The following MARCHF1 variants were observed in gnomAD, a reference collection of about 807,000 sequenced individuals.
The protein encoded by MARCHF1 is membrane associated ring-CH-type finger 1.
Under a neutral mutation model 54.2 loss-of-function variants are expected in MARCHF1, and 40 were observed. The ratio of observed to expected loss-of-function variants is 0.74; its 90% CI spans 0.57 to 0.96. The LOEUF (loss-of-function observed/expected upper bound fraction) is 0.96, where lower values mean the gene tolerates loss of function less well. MARCHF1 is among the 40% of genes least tolerant of loss of function. The probability of loss-of-function intolerance (pLI) is 0.00; values close to 1 mark genes in which losing one functional copy is unlikely to be tolerated. For synonymous variants in MARCHF1, 236 were observed against 236.3 expected (o/e 1.00, Z 0.01); for missense variants, 586 against 656.5 (o/e 0.89, Z 1.17).
intron 1 of MARCHF1, among the ~76,000 whole-genome samples, chr4:164,151,921 A>G (rs1729953791): frequency 6.6e-6 from 1 of 151,926 alleles, no homozygotes; most frequent in Non-Finnish European, 1.5e-5. Flanking sequence ...TTTGCCCTTC[A>G]CAATCTTACC....
At chr4:163,874,020 T>A (rs1333579665) in intron 3 of MARCHF1, among the ~76,000 whole-genome samples, 1 of 152,186 alleles carries the variant, frequency 6.6e-6, no homozygotes, top group Non-Finnish European at 1.5e-5. Context: ...GAATTAAATT[T>A]AATTTAATAA....
In MARCHF1 at chr4:163,862,738, T is replaced by A. The variant is rs894467099; in HGVS notation, c.-38-8569A>T. On this transcript the variant is annotated intron_variant, in intron 3 of 9. Transcript: ENST00000514618. ...CTATTTACCCAACTGATTTTTAAAA[T>A]TTATGTCTCATGAAAACATGCACAC... 3.3e-5 allele frequency among the ~76,000 whole-genome samples: 5 copies of A among 152,090 alleles called. No individual in the cohort carries two copies. The East Asian group carries it at 9.6e-4, about 29-fold the overall frequency.
chr4:163,912,594 C>T (rs1283024629), intron 3 of MARCHF1, among the ~76,000 whole-genome samples: 1 of 152,112 alleles, frequency 6.6e-6, no homozygotes, highest in Non-Finnish European at 1.5e-5. Flanking sequence ...TCACCATTTT[C>T]CTGGTTATTA....
At chr4:163,822,422 G>C (rs1748718529) in intron 4 of MARCHF1, among the ~76,000 whole-genome samples, 1 of 151,850 alleles carries the variant, frequency 6.6e-6, no homozygotes, top group South Asian at 2.1e-4. Flanking sequence ...TAAGCCAGTT[G>C]TTTAAGGTAT....
At chr4:164,306,762 T>C (rs1484033492) in intron 1 of MARCHF1, among the ~76,000 whole-genome samples, 1 of 152,154 alleles carries the variant, frequency 6.6e-6, no homozygotes, top group African/African-American at 2.4e-5. Context: ...TATTTATCAC[T>C]GATCTGGAAA....
chr4:163,831,748 T>C (rs188989264), intron 4 of MARCHF1, among the ~76,000 whole-genome samples: 19 of 152,280 alleles, frequency 1.2e-4, no homozygotes, highest in African/African-American at 4.3e-4. Flanking sequence ...TGGAAGATAA[T>C]AGAAATGGGT....
At chr4:164,285,067 T>C (rs1418123497) in intron 1 of MARCHF1, among the ~76,000 whole-genome samples, 5 of 152,328 alleles carry the variant, frequency 3.3e-5, no homozygotes, top group Non-Finnish European at 7.4e-5. Context: ...AGTGTAGAAA[T>C]ATTTTATAAT....
intron 5 of MARCHF1, among the ~76,000 whole-genome samples, chr4:163,635,957 T>C (rs1174370623): frequency 2.6e-5 from 4 of 152,174 alleles, no homozygotes; most frequent in African/African-American, 4.8e-5. Context: ...AATCGATAAA[T>C]GTAATCCAGC....
chr4:164,193,438 C>T (rs1248190931), intron 1 of MARCHF1, among the ~76,000 whole-genome samples: 3 of 152,034 alleles, frequency 2.0e-5, no homozygotes, highest in African/African-American at 7.2e-5. Flanking sequence ...TGGAATAAAG[C>T]CTGCACTGCT....
intron 3 of MARCHF1, among the ~76,000 whole-genome samples, chr4:163,950,062 G>C (rs932171074): frequency 1.7e-4 from 26 of 152,214 alleles, no homozygotes; most frequent in African/African-American, 6.0e-4. Flanking sequence ...AGCACCATAA[G>C]TTCTCACTCT....
In MARCHF1 at chr4:163,975,184, T is replaced by A. The variant is rs1446429406; in HGVS notation, c.-39+13317A>T. Among the ~76,000 whole-genome samples the A allele has an allele frequency of 3.2e-3, 431 of 134,876 alleles. 7 individuals are homozygous for A. The highest frequency in any genetic ancestry group is 0.014 in the African/African-American group (407 of 29,032). 88.5% of individuals were successfully genotyped at this position (134,876 alleles called of 152,430 possible). A position where few individuals can be genotyped will look rare whatever the true frequency, so the allele number is the denominator to read the frequency against. On this transcript the variant is annotated intron_variant, in intron 3 of 9. Coordinates refer to ENST00000514618, the MANE Select transcript of MARCHF1 (RefSeq NM_001394959.1). ...ATAAAGCTCTCTCTCTCTCTCTCTC[T>A]CTCTCTCTCTCTCACACACACACAC...
At chr4:164,002,755 G>A (rs190821050) in intron 2 of MARCHF1, among the ~76,000 whole-genome samples, 4 of 151,850 alleles carry the variant, frequency 2.6e-5, no homozygotes, top group Admixed American at 1.3e-4. Context: ...ATCAGATACA[G>A]GTATGCCAAA....
intron 1 of MARCHF1, among the ~76,000 whole-genome samples, chr4:164,227,632 T>C (rs1330072209): frequency 6.6e-6 from 1 of 152,118 alleles, no homozygotes; most frequent in African/African-American, 2.4e-5. Flanking sequence ...TTTTAAAAAA[T>C]AGTGTGGGAG....
At chr4:163,721,122 T>C (rs183195323) in intron 4 of MARCHF1, among the ~76,000 whole-genome samples, 168 of 152,322 alleles carry the variant, frequency 1.1e-3, no homozygotes, top group African/African-American at 3.8e-3. Flanking sequence ...TCAAAGGGAA[T>C]GCTTCCAGTT....
chr4:164,368,215 T>C (rs920874054), intron 1 of MARCHF1, among the ~76,000 whole-genome samples: 1 of 150,946 alleles, frequency 6.6e-6, no homozygotes, highest in Non-Finnish European at 1.5e-5. Context: ...AAATCTTTGG[T>C]AATAAAAATA....
At chr4:163,553,703 A>C (rs1308257376) in intron 8 of MARCHF1, among the ~76,000 whole-genome samples, 3 of 152,200 alleles carry the variant, frequency 2.0e-5, no homozygotes, top group Non-Finnish European at 4.4e-5. Context: ...CATGTTTCCC[A>C]AAGACATACT....
At chr4:163,595,341 T>G (rs939312946) in intron 7 of MARCHF1, among the ~76,000 whole-genome samples, 5 of 134,558 alleles carry the variant, frequency 3.7e-5, no homozygotes, top group African/African-American at 1.2e-4. Flanking sequence ...AGACCCTGTC[T>G]TCACTAAAAA....
chr4:164,223,072 C>T (rs1732157853), intron 1 of MARCHF1, among the ~76,000 whole-genome samples: 1 of 151,888 alleles, frequency 6.6e-6, no homozygotes. Context: ...TTATTCACTA[C>T]CACAAGAACA....
At chr4:164,254,337 T>G (rs533407673) in intron 1 of MARCHF1, among the ~76,000 whole-genome samples, 5 of 149,954 alleles carry the variant, frequency 3.3e-5, no homozygotes, top group African/African-American at 1.2e-4. Flanking sequence ...ATCCTATATA[T>G]AGAGGATATT....
Sources: gnomAD v4.1 joint callset for allele counts (sites outside exome capture counted in the v4.1 genomes callset) on GRCh38, gnomAD v4.1.1 for gene constraint, MANE v1.5 for transcripts, NCBI Gene and HGNC (gene_info 2026-07-23, HGNC 2026-07-21) for gene names.